DEPDC1B: variants seen among roughly 807,000 people sequenced by gnomAD.
The protein encoded by DEPDC1B is DEP domain containing 1B.
In DEPDC1B, 51 loss-of-function variants were observed where a neutral mutation model predicts 66.5. The ratio of observed to expected loss-of-function variants is 0.77; its 90% CI spans 0.61 to 0.97. The LOEUF (loss-of-function observed/expected upper bound fraction) is 0.97, where lower values mean the gene tolerates loss of function less well. Among genes scored for constraint, DEPDC1B ranks in the 50% least tolerant of loss-of-function variants. DEPDC1B has a pLI of 0.00. For missense variants in DEPDC1B, 552 were observed against 637.1 expected (o/e 0.87, Z 1.44); for synonymous variants, 226 against 223.6 (o/e 1.01, Z -0.10).
At chr5:60,649,066 A>C (rs902653368) in intron 2 of DEPDC1B, among the ~76,000 whole-genome samples, 2 of 152,062 alleles carry the variant, frequency 1.3e-5, no homozygotes, top group African/African-American at 4.8e-5. Flanking sequence ...CTCCCATCCC[A>C]CCACTAATGC....
intron 2 of DEPDC1B, among the ~76,000 whole-genome samples, chr5:60,659,391 C>T (rs73759368): frequency 0.018 from 2,776 of 152,232 alleles, 100 homozygotes; most frequent in African/African-American, 0.064. Context: ...ATACTGGGCA[C>T]CTGTCAGCCA....
intron 2 of DEPDC1B, among the ~76,000 whole-genome samples, chr5:60,666,434 T>G (rs1753841862): frequency 6.6e-6 from 1 of 152,018 alleles, no homozygotes; most frequent in African/African-American, 2.4e-5. Flanking sequence ...TCTTGGGAGC[T>G]CTAAGAACAA....
rs1374109113 is a variant in DEPDC1B, at chr5:60,603,379, C to T, written c.1242+12G>A. The T allele has an allele frequency of 6.5e-7, 1 of 1,536,702 alleles. No individual in the cohort carries two copies. Among genetic ancestry groups the T allele is most frequent in the African/African-American group, 1.4e-5 (1 of 71,520 alleles). ...GCCAATTTCATAGAACTGATAATAT[C>T]CTCTCCTTTACCTGGACTCTTCGTA... On this transcript the variant is annotated intron_variant, in intron 9 of 10. Coordinates refer to ENST00000265036, the MANE Select transcript of DEPDC1B (RefSeq NM_018369.3).
chr5:60,645,786 A>G (rs1187679377), intron 3 of DEPDC1B, among the ~76,000 whole-genome samples, 167 bp from the exon 4 acceptor site: 1 of 152,232 alleles, frequency 6.6e-6, no homozygotes. Flanking sequence ...CTTTCTTTAC[A>G]TGGACCTCAG....
intron 7 of DEPDC1B, among the ~76,000 whole-genome samples, chr5:60,619,983 C>T (rs1752664025): frequency 4.6e-5 from 7 of 152,076 alleles, no homozygotes; most frequent in Admixed American, 3.9e-4. Flanking sequence ...AGAAATAATG[C>T]CACATATCTA....
intron 7 of DEPDC1B, among the ~76,000 whole-genome samples, chr5:60,610,972 T>C (rs1417124466): frequency 6.6e-6 from 1 of 152,208 alleles, no homozygotes; most frequent in Non-Finnish European, 1.5e-5. Context: ...CACCTATTAA[T>C]ATACAGGTAT....
Position 60,642,664 on chromosome 5 carries a change from A to G in DEPDC1B, c.757+148T>C, listed in dbSNP as rs75474910. ...AGTCCTTTCACTAAGTCACAAATTT[A>G]TCACTAAAAGCACAGTAGTCCCAAA... On this transcript the variant is annotated intron_variant, in intron 6 of 10. Coordinates refer to ENST00000265036, the MANE Select transcript of DEPDC1B (RefSeq NM_018369.3). 2,181 of 609,682 alleles carry G rather than the reference A, an allele frequency of 3.6e-3. 43 individuals carry two copies. The African/African-American group carries it at 0.037, about 10-fold the overall frequency. The allele number at this position is 609,682 out of a possible 1,614,324, so 37.8% of individuals were successfully genotyped here.
At chr5:60,638,652 ATGGC>A in intron 7 of DEPDC1B, 94 bp downstream of exon 7, 1 of 1,241,920 alleles carries the variant, frequency 8.1e-7, no homozygotes. Flanking sequence ...TATTTTTAAA[ATGGC>A]ATGAGTTTTG....
At chr5:60,683,046 A>T (rs1456205175) in intron 2 of DEPDC1B, among the ~76,000 whole-genome samples, 1 of 152,210 alleles carries the variant, frequency 6.6e-6, no homozygotes. Flanking sequence ...TCCTCAACAA[A>T]TTACAAGCAA....
chr5:60,679,540 CAAAAAAG>C (rs556178862), intron 2 of DEPDC1B, among the ~76,000 whole-genome samples: 14 of 148,936 alleles, frequency 9.4e-5, no homozygotes, highest in Non-Finnish European at 1.8e-4. Flanking sequence ...GAGGTAGAAA[CAAAAAAG>C]AAAAAAGAGA....
chr5:60,685,203 T>C (rs1011169645), intron 2 of DEPDC1B, among the ~76,000 whole-genome samples: 18 of 152,234 alleles, frequency 1.2e-4, no homozygotes, highest in African/African-American at 4.3e-4. Flanking sequence ...AGCCTGCATG[T>C]ATGCAACGGC....
At chr5:60,641,473 C>T (rs994328110) in intron 6 of DEPDC1B, among the ~76,000 whole-genome samples, 40 of 151,644 alleles carry the variant, frequency 2.6e-4, no homozygotes, top group Non-Finnish European at 8.8e-5. Flanking sequence ...TACAGGCGCC[C>T]GCCACCAAGC....
intron 2 of DEPDC1B, among the ~76,000 whole-genome samples, chr5:60,650,569 G>A (rs991482995): frequency 1.1e-4 from 17 of 152,100 alleles, no homozygotes; most frequent in African/African-American, 1.9e-4. Context: ...CCCCAGTTGC[G>A]AATCATGGGC....
In DEPDC1B at chr5:60,699,443, G is replaced by GAAAAAAAAAAAA. The variant is rs528758437; in HGVS notation, c.48+591_48+602dup. 4.2e-3 allele frequency among the ~76,000 whole-genome samples: 376 copies of GAAAAAAAAAAAA among 89,340 alleles called. 44 individuals carry two copies. Among genetic ancestry groups the GAAAAAAAAAAAA allele is most frequent in the African/African-American group, 0.016 (296 of 18,176 alleles). The allele number at this position is 89,340 out of a possible 152,430, so 58.6% of individuals were successfully genotyped here. On this transcript the variant is annotated intron_variant, in intron 1 of 10. Coordinates refer to ENST00000265036, the MANE Select transcript of DEPDC1B (RefSeq NM_018369.3). ...CCTCAATACCAAAGCTTTTCTCCCA[G>GAAAAAAAAAAAA]AAAAAAAAAAAAAAAAAAACAGGAA...
At chr5:60,615,806 G>A (rs1010325107) in intron 7 of DEPDC1B, among the ~76,000 whole-genome samples, 1 of 152,214 alleles carries the variant, frequency 6.6e-6, no homozygotes, top group Non-Finnish European at 1.5e-5. Context: ...GGTTCTCCCA[G>A]CACGCAGCTT....
chr5:60,635,775 T>A (rs1274908933), intron 7 of DEPDC1B, among the ~76,000 whole-genome samples: 1 of 152,134 alleles, frequency 6.6e-6, no homozygotes, highest in South Asian at 2.1e-4. Flanking sequence ...ATCTTCTAAA[T>A]TTTTTTTAAA....
At chr5:60,656,929 T>A (rs1753591319) in intron 2 of DEPDC1B, among the ~76,000 whole-genome samples, 1 of 152,230 alleles carries the variant, frequency 6.6e-6, no homozygotes, top group Non-Finnish European at 1.5e-5. Context: ...CTATCTCATT[T>A]CTTAGGTCTA....
chr5:60,695,866 T>G (rs923062045), intron 1 of DEPDC1B, among the ~76,000 whole-genome samples: 1 of 152,204 alleles, frequency 6.6e-6, no homozygotes, highest in Admixed American at 6.5e-5. Flanking sequence ...TGGCGTGATC[T>G]CGGCTGACTG....
At chr5:60,619,543 C>T (rs1335786994) in intron 7 of DEPDC1B, among the ~76,000 whole-genome samples, 1 of 152,148 alleles carries the variant, frequency 6.6e-6, no homozygotes, top group African/African-American at 2.4e-5. Context: ...TTCACAATTG[C>T]TTCAAACAGA....
Sources: allele counts gnomAD v4.1 joint callset (sites outside exome capture counted in the v4.1 genomes callset), GRCh38; gene constraint gnomAD v4.1.1; transcripts MANE v1.5; gene names NCBI Gene and HGNC (gene_info 2026-07-23, HGNC 2026-07-21).